The following DMD variants were observed in gnomAD, a reference collection of about 807,000 sequenced individuals.
The protein encoded by DMD is dystrophin.
A neutral mutation model predicts 330.1 loss-of-function variants in DMD; 63 were observed. The ratio of observed to expected loss-of-function variants is 0.19; its 90% CI spans 0.16 to 0.24. The LOEUF is 0.24. DMD is among the 10% of genes least tolerant of loss of function. The probability of loss-of-function intolerance (pLI) is 1.00; values close to 1 mark genes in which losing one functional copy is unlikely to be tolerated. For synonymous variants in DMD, 1,223 were observed against 959.8 expected, an observed-to-expected ratio of 1.27 and a Z score of -5.07; for missense variants, 3,344 against 2,684.1, an observed-to-expected ratio of 1.25 and a Z score of -5.43.
intron 34 of DMD, among the ~76,000 whole-genome samples, chrX:32,372,468 C>T (rs766249485): frequency 9.0e-6 from 1 of 111,492 alleles, no homozygotes; most frequent in East Asian, 2.8e-4. Flanking sequence ...GATTGCCTTG[C>T]CATTTCCTTC....
At chrX:33,166,389 C>T (rs1421125560) in intron 1 of DMD, among the ~76,000 whole-genome samples, 1 of 111,328 alleles carries the variant, frequency 9.0e-6, no homozygotes, top group Non-Finnish European at 1.9e-5. Context: ...AAACATTTCC[C>T]TTTCCAAATA....
intron 44 of DMD, among the ~76,000 whole-genome samples, chrX:32,001,906 TGATCA>T (rs772729907): frequency 8.4e-4 from 94 of 111,799 alleles, no homozygotes; most frequent in African/African-American, 2.8e-3. Flanking sequence ...CATGATTTCT[TGATCA>T]CATTCCCTGG....
At chrX:32,164,801 C>A (rs1051153239) in intron 44 of DMD, among the ~76,000 whole-genome samples, 10 of 109,361 alleles carry the variant, frequency 9.1e-5, no homozygotes, top group Non-Finnish European at 5.7e-5. Flanking sequence ...AGGTCCCCCC[C>A]CCAACCCCAC....
At chrX:33,083,912 GAC>G (rs1183893725) in intron 1 of DMD, among the ~76,000 whole-genome samples, 1 of 110,489 alleles carries the variant, frequency 9.1e-6, no homozygotes, top group Non-Finnish European at 1.9e-5. Flanking sequence ...TGGGGCTACA[GAC>G]ACCCCACCAT....
chrX:33,260,929 C>A (rs752477434), intron 1 of DMD, among the ~76,000 whole-genome samples: 2 of 110,059 alleles, frequency 1.8e-5, no homozygotes, highest in Non-Finnish European at 3.8e-5. Flanking sequence ...GAAGTATGAT[C>A]AAAAATTACA....
At chrX:32,657,419 C>T (rs189955018) in intron 9 of DMD, among the ~76,000 whole-genome samples, 57 of 112,152 alleles carry the variant, frequency 5.1e-4, no homozygotes, top group African/African-American at 1.8e-3. Flanking sequence ...ACATGAAAGA[C>T]GTCTAGCCTA....
At chrX:32,214,324 T>G (rs2097104876) in intron 44 of DMD, among the ~76,000 whole-genome samples, 1 of 110,433 alleles carries the variant, frequency 9.1e-6, no homozygotes, top group Non-Finnish European at 1.9e-5. Context: ...GCCAGGAGGC[T>G]TTTGTTAAAA....
intron 1 of DMD, among the ~76,000 whole-genome samples, chrX:33,207,156 A>G (rs1375100109): frequency 3.6e-5 from 4 of 111,312 alleles, no homozygotes; most frequent in Non-Finnish European, 7.5e-5. Flanking sequence ...TGCTTAAGAA[A>G]ATTTATATGC....
At chrX:31,993,408 C>T (rs1055280320) in intron 44 of DMD, among the ~76,000 whole-genome samples, 3 of 111,340 alleles carry the variant, frequency 2.7e-5, no homozygotes, top group Non-Finnish European at 3.8e-5. Flanking sequence ...ACCTTGATTA[C>T]CTTTCTACAA....
At chrX:31,352,855 C>T (rs775270861) in intron 60 of DMD, among the ~76,000 whole-genome samples, 17 of 111,802 alleles carry the variant, frequency 1.5e-4, no homozygotes, top group Non-Finnish European at 2.6e-4. Context: ...AGGAACAAAG[C>T]ACTTTATTCT....
At chrX:32,116,158 A>T (rs2146692472) in intron 44 of DMD, among the ~76,000 whole-genome samples, 1 of 111,277 alleles carries the variant, frequency 9.0e-6, no homozygotes, top group South Asian at 3.8e-4. Context: ...GGCTAGGTCA[A>T]GTCTCTTTTG....
At chrX:32,480,222 G>A (rs2041704933) in intron 21 of DMD, among the ~76,000 whole-genome samples, 1 of 111,905 alleles carries the variant, frequency 8.9e-6, no homozygotes, top group African/African-American at 3.2e-5. Context: ...CCTTACACAT[G>A]TTAAAATTAG....
rs187434802 is a variant in DMD, at chrX:32,826,990, T to C, written c.265-3603A>G. ...CTAATTAAAAAATAAAAAATAGTTATATGGTAAATTTTACATCATTTGTAT... is the reference window on the plus strand; with the variant it reads ...CTAATTAAAAAATAAAAAATAGTTACATGGTAAATTTTACATCATTTGTAT... On this transcript the variant is annotated intron_variant, in intron 4 of 78. Coordinates refer to ENST00000357033, the MANE Select transcript of DMD (RefSeq NM_004006.3). 7.0e-3 allele frequency among the ~76,000 whole-genome samples: 762 copies of C among 108,519 alleles called. 11 individuals carry two copies. Among genetic ancestry groups the C allele is most frequent in the African/African-American group, 0.025 (731 of 29,472 alleles). 94.2% of individuals were successfully genotyped at this position (108,519 alleles called of 115,157 possible).
chrX:32,296,284 G>A (rs1053421354), intron 42 of DMD, among the ~76,000 whole-genome samples: 11 of 110,784 alleles, frequency 9.9e-5, no homozygotes, highest in Admixed American at 6.7e-4. Flanking sequence ...CCAGCTACTT[G>A]GGAGGCTAAG....
chrX:31,242,191 G>C (rs922347134), intron 63 of DMD, among the ~76,000 whole-genome samples: 5 of 100,256 alleles, frequency 5.0e-5, no homozygotes, highest in Non-Finnish European at 9.9e-5. Flanking sequence ...AGGAGGTTGT[G>C]GCACCAGTGA....
At chrX:31,389,399 A>G (rs73617083) in intron 60 of DMD, among the ~76,000 whole-genome samples, 6,534 of 111,911 alleles carry the variant, frequency 0.058, 468 homozygotes, top group African/African-American at 0.2. Context: ...ATGGCACTGT[A>G]TTGTAGTCTT....
At chrX:31,914,545 T>C (rs1254838426) in intron 47 of DMD, among the ~76,000 whole-genome samples, 2 of 112,434 alleles carry the variant, frequency 1.8e-5, no homozygotes, top group African/African-American at 6.5e-5. Flanking sequence ...GGAGTACTAT[T>C]CTGCCATAGA....
At chrX:33,152,750 G>T (rs185436503) in intron 1 of DMD, among the ~76,000 whole-genome samples, 10 of 111,022 alleles carry the variant, frequency 9.0e-5, no homozygotes, top group African/African-American at 2.3e-4. Flanking sequence ...GCCATTTTAT[G>T]GTCATTCCAA....
intron 9 of DMD, among the ~76,000 whole-genome samples, chrX:32,652,303 C>T (rs757089644): frequency 1.4e-5 from 1 of 72,822 alleles, no homozygotes; most frequent in Admixed American, 2.0e-4. Context: ...CACCCCACTA[C>T]GGGACCCAGT....
Sources: gnomAD v4.1 joint callset for allele counts (sites outside exome capture counted in the v4.1 genomes callset) on GRCh38, gnomAD v4.1.1 for gene constraint, MANE v1.5 for transcripts, NCBI Gene and HGNC (gene_info 2026-07-23, HGNC 2026-07-21) for gene names.